EYS: variants seen among roughly 807,000 people sequenced by gnomAD.
The protein encoded by EYS is protein eyes shut homolog.
A neutral mutation model predicts 282.1 loss-of-function variants in EYS; 250 were observed. The ratio of observed to expected loss-of-function variants is 0.89; its 90% CI spans 0.80 to 0.98. The LOEUF (loss-of-function observed/expected upper bound fraction) is 0.98. Ranked by LOEUF, EYS falls within the 50% of genes least tolerant of loss-of-function variation. The probability of loss-of-function intolerance (pLI) is 0.00; values close to 1 mark genes in which losing one functional copy is unlikely to be tolerated. For synonymous variants in EYS, 1,355 were observed against 1,282.9 expected (o/e 1.06, Z -1.20); for missense variants, 4,016 against 3,709.0 (o/e 1.08, Z -2.15).
intron 11 of EYS, among the ~76,000 whole-genome samples, chr6:65,318,466 C>T (rs1166234363): frequency 2.7e-5 from 4 of 147,618 alleles, no homozygotes; most frequent in Admixed American, 2.0e-4. Context: ...TGTGGGTACT[C>T]GGAGGCAGGC....
intron 12 of EYS, among the ~76,000 whole-genome samples, chr6:65,142,199 A>G (rs889228088): frequency 6.6e-6 from 1 of 152,048 alleles, no homozygotes; most frequent in African/African-American, 2.4e-5. Context: ...TCAAATATAC[A>G]CAAGAACAGT....
chr6:64,750,420 T>A lies in EYS; in HGVS notation c.3443+62958A>T, dbSNP rs1354834640. Among the ~76,000 whole-genome samples the A allele has an allele frequency of 7.5e-5, 11 of 147,040 alleles. No homozygotes were observed. The South Asian group carries it at 1.3e-3, about 17-fold the overall frequency. ...ATTTTACAGCAAATAAGAGGGAAAG[T>A]AAAAAAAAAAAAGCTTTCTTTTTCT... is the stretch of plus-strand genomic sequence containing the variant. On this transcript the variant is annotated intron_variant, in intron 22 of 42. Transcript: ENST00000503581.
At chr6:65,549,848 C>A (rs183751399) in intron 2 of EYS, among the ~76,000 whole-genome samples, 2 of 152,238 alleles carry the variant, frequency 1.3e-5, no homozygotes, top group East Asian at 3.9e-4. Context: ...CAATGGCTGC[C>A]GCCCATTGGC....
intron 15 of EYS, among the ~76,000 whole-genome samples, chr6:64,927,012 T>C (rs1050104865): frequency 1.3e-5 from 2 of 152,206 alleles, no homozygotes; most frequent in Admixed American, 1.3e-4. Context: ...CTGAATCTTT[T>C]AGTATAGGAC....
chr6:64,378,569 C>T (rs976046470), intron 29 of EYS, among the ~76,000 whole-genome samples: 1 of 151,962 alleles, frequency 6.6e-6, no homozygotes, highest in Non-Finnish European at 1.5e-5. Context: ...TGGGGGGAAA[C>T]TTAAAATAAT....
intron 31 of EYS, among the ~76,000 whole-genome samples, chr6:64,120,379 A>AAG (rs1773542830): frequency 6.7e-6 from 1 of 149,964 alleles, no homozygotes; most frequent in African/African-American, 2.4e-5. Context: ...AAAAAAAAAA[A>AAG]AAAGAAAAAC....
intron 12 of EYS, among the ~76,000 whole-genome samples, chr6:65,147,534 T>G (rs1443252501): frequency 6.6e-6 from 1 of 152,072 alleles, no homozygotes; most frequent in Non-Finnish European, 1.5e-5. Flanking sequence ...TATGATTACA[T>G]AATGTCTCAT....
intron 36 of EYS, among the ~76,000 whole-genome samples, chr6:63,859,099 T>TG (rs1253563787): frequency 7.6e-6 from 1 of 130,848 alleles, no homozygotes; most frequent in Admixed American, 7.8e-5. Flanking sequence ...TTTTTTTTTT[T>TG]TTTTTTTTTT....
intron 26 of EYS, among the ~76,000 whole-genome samples, chr6:64,512,087 G>A (rs961064602): frequency 2.0e-5 from 3 of 151,812 alleles, no homozygotes; most frequent in Non-Finnish European, 4.4e-5. Context: ...ATGTGCATGT[G>A]TATATATACA....
chr6:65,525,057 T>G (rs1767506123), intron 2 of EYS, among the ~76,000 whole-genome samples: 1 of 148,976 alleles, frequency 6.7e-6, no homozygotes, highest in Admixed American at 6.7e-5. Context: ...CTAAACTGAT[T>G]TTTTTTTTTT....
intron 12 of EYS, among the ~76,000 whole-genome samples, chr6:65,071,347 G>A (rs909749252): frequency 2.0e-5 from 3 of 151,706 alleles, no homozygotes; most frequent in East Asian, 1.9e-4. Flanking sequence ...AAATTTGTTT[G>A]GAATATGCAC....
At chr6:65,307,253 T>C (rs1426051661) in intron 11 of EYS, among the ~76,000 whole-genome samples, 3 of 147,614 alleles carry the variant, frequency 2.0e-5, no homozygotes, top group African/African-American at 4.9e-5. Context: ...ACATTTCAGC[T>C]CTTTTAGCTC....
chr6:65,529,237 T>C (rs911788560), intron 2 of EYS, among the ~76,000 whole-genome samples: 6 of 152,168 alleles, frequency 3.9e-5, no homozygotes, highest in African/African-American at 1.4e-4. Context: ...TTACCTAAAA[T>C]TATCTCAACC....
chr6:64,113,088 A>T (rs1288266074), intron 31 of EYS, among the ~76,000 whole-genome samples: 1 of 152,164 alleles, frequency 6.6e-6, no homozygotes, highest in Non-Finnish European at 1.5e-5. Context: ...ATAAACAAAA[A>T]GTTTATCATA....
intron 28 of EYS, among the ~76,000 whole-genome samples, chr6:64,419,873 A>T (rs1240833051): frequency 6.6e-6 from 1 of 152,164 alleles, no homozygotes; most frequent in Non-Finnish European, 1.5e-5. Context: ...TGGGTCTACC[A>T]TTCTGGGGTC....
intron 13 of EYS, among the ~76,000 whole-genome samples, chr6:65,051,575 A>G (rs1773270457): frequency 1.3e-5 from 2 of 151,592 alleles, no homozygotes; most frequent in Admixed American, 1.3e-4. Flanking sequence ...TCTAATCTGT[A>G]AGTAATTTTT....
chr6:64,848,767 A>G (rs1765792755), intron 19 of EYS, among the ~76,000 whole-genome samples: 1 of 152,076 alleles, frequency 6.6e-6, no homozygotes, highest in Non-Finnish European at 1.5e-5. Flanking sequence ...CATGGATCAG[A>G]ATATGAGTCC....
chr6:64,575,902 A>G (rs770238480), intron 26 of EYS, among the ~76,000 whole-genome samples: 8 of 152,258 alleles, frequency 5.3e-5, no homozygotes, highest in Non-Finnish European at 8.8e-5. Context: ...AGCAATTTAT[A>G]TAGATAAATT....
At chr6:65,619,424 A>C (rs1766375280) in intron 2 of EYS, among the ~76,000 whole-genome samples, 1 of 152,180 alleles carries the variant, frequency 6.6e-6, no homozygotes, top group Non-Finnish European at 1.5e-5. Context: ...ACTTTGCTGA[A>C]GTTGTTTATC....
Sources: gnomAD v4.1 joint callset for allele counts (sites outside exome capture counted in the v4.1 genomes callset) on GRCh38, gnomAD v4.1.1 for gene constraint, MANE v1.5 for transcripts, NCBI Gene and HGNC (gene_info 2026-07-23, HGNC 2026-07-21) for gene names.